EPHA5: variants seen among roughly 807,000 people sequenced by gnomAD.
EPHA5 encodes EPH receptor A5, also known as ephrin type-A receptor 5.
Under a neutral mutation model 105.0 loss-of-function variants are expected in EPHA5, and 60 were observed. The observed-to-expected ratio is 0.57, with a 90% confidence interval of 0.46 to 0.71. The LOEUF (loss-of-function observed/expected upper bound fraction) is 0.71. Among genes scored for constraint, EPHA5 ranks in the 30% least tolerant of loss-of-function variants. The pLI is 0.00. For missense variants in EPHA5, 1,218 were observed against 1,274.7 expected, an observed-to-expected ratio of 0.96 and a Z score of 0.68; for synonymous variants, 513 against 449.1, an observed-to-expected ratio of 1.14 and a Z score of -1.80.
chr4:65,394,128 A>C (rs1406031103), intron 8 of EPHA5, among the ~76,000 whole-genome samples: 1 of 152,246 alleles, frequency 6.6e-6, no homozygotes, highest in Non-Finnish European at 1.5e-5. Context: ...AATTTACTGG[A>C]TATACCTGTC....
At chr4:65,492,630 A>G (rs548189713) in intron 4 of EPHA5, among the ~76,000 whole-genome samples, 1 of 152,220 alleles carries the variant, frequency 6.6e-6, no homozygotes, top group East Asian at 1.9e-4. Flanking sequence ...ACTTCAATAT[A>G]AAACAGTCCC....
chr4:65,415,414 C>A (rs1218823680), intron 6 of EPHA5, among the ~76,000 whole-genome samples: 2 of 151,770 alleles, frequency 1.3e-5, no homozygotes, highest in African/African-American at 2.4e-5. Flanking sequence ...ATTTGTAATT[C>A]TTTCTTATAT....
At chr4:65,396,208 T>C (rs1721219589) in intron 8 of EPHA5, among the ~76,000 whole-genome samples, 1 of 152,240 alleles carries the variant, frequency 6.6e-6, no homozygotes, top group Non-Finnish European at 1.5e-5. Flanking sequence ...CTTGCTGGTG[T>C]GTGTGCATTC....
intron 3 of EPHA5, among the ~76,000 whole-genome samples, chr4:65,543,722 A>T (rs1451272327): frequency 6.6e-6 from 1 of 151,780 alleles, no homozygotes; most frequent in Non-Finnish European, 1.5e-5. Flanking sequence ...TCTAGAAAAA[A>T]ATCTTAAAAG....
intron 3 of EPHA5, among the ~76,000 whole-genome samples, chr4:65,520,072 C>T (rs1357544217): frequency 2.0e-5 from 3 of 152,112 alleles, no homozygotes; most frequent in African/African-American, 7.2e-5. Flanking sequence ...ATTGCCAAGA[C>T]AATCCTAAGC....
chr4:65,643,303 C>T (rs2149514453), intron 2 of EPHA5, 60 bp downstream of exon 2: 1 of 1,304,228 alleles, frequency 7.7e-7, no homozygotes, highest in Non-Finnish European at 1.1e-6. Context: ...TCCTGTGTTA[C>T]AAGTATCAAG....
At chr4:65,400,939 A>T (rs1721751951) in intron 8 of EPHA5, among the ~76,000 whole-genome samples, 1 of 152,036 alleles carries the variant, frequency 6.6e-6, no homozygotes, top group Non-Finnish European at 1.5e-5. Flanking sequence ...TACTTAAATG[A>T]TATGTTACCT....
intron 3 of EPHA5, among the ~76,000 whole-genome samples, chr4:65,551,169 A>C (rs1737864369): frequency 1.2e-5 from 1 of 80,036 alleles, no homozygotes; most frequent in African/African-American, 5.4e-5. Flanking sequence ...TTATCCAAAC[A>C]TAAGTAGGTT....
intron 15 of EPHA5, 69 bp from the exon 16 acceptor site, chr4:65,332,197 G>T: frequency 7.8e-7 from 1 of 1,280,206 alleles, no homozygotes; most frequent in East Asian, 2.7e-5. Flanking sequence ...TTACTATAAT[G>T]TTAACTCATA....
chr4:65,548,653 A>G (rs1465264153), intron 3 of EPHA5, among the ~76,000 whole-genome samples: 1 of 152,180 alleles, frequency 6.6e-6, no homozygotes, highest in African/African-American at 2.4e-5. Flanking sequence ...TTACAAGCAG[A>G]GGCACTGATT....
At chr4:65,486,469 A>G (rs1429945285) in intron 5 of EPHA5, among the ~76,000 whole-genome samples, 2 of 152,132 alleles carry the variant, frequency 1.3e-5, no homozygotes, top group Non-Finnish European at 2.9e-5. Flanking sequence ...CATTTCCTGT[A>G]CCCCTACAAA....
At chr4:65,533,364 A>G (rs1184981466) in intron 3 of EPHA5, among the ~76,000 whole-genome samples, 1 of 152,196 alleles carries the variant, frequency 6.6e-6, no homozygotes, top group Non-Finnish European at 1.5e-5. Context: ...TAAGCTAGGC[A>G]GGATAAATAT....
intron 5 of EPHA5, among the ~76,000 whole-genome samples, chr4:65,441,117 C>T (rs932486260): frequency 6.6e-6 from 1 of 151,972 alleles, no homozygotes; most frequent in African/African-American, 2.4e-5. Context: ...TGTCAATATA[C>T]TATATTAATT....
rs760384286 is a variant in EPHA5, at chr4:65,576,103, G to GAA, written c.910+25536_910+25537dup. Among the ~76,000 whole-genome samples, 93 of 75,428 alleles carry GAA rather than the reference G, an allele frequency of 1.2e-3. 1 individual carries two copies. The highest frequency in any genetic ancestry group is 3.8e-3 in the South Asian group (8 of 2,078). The allele number at this position is 75,428 out of a possible 152,430, so 49.5% of individuals were successfully genotyped here. On this transcript the variant is annotated intron_variant, in intron 3 of 16. Coordinates refer to ENST00000613740, the MANE Select transcript of EPHA5 (RefSeq NM_001281766.3). ...GAAAAGAAAAGAAAAGAAAAGAAAAGAAAAGAAAAGAAAAAAGAAAAGAAA... is the reference window on the plus strand; with the variant it reads ...GAAAAGAAAAGAAAAGAAAAGAAAAGAAAAAAGAAAAGAAAAAAGAAAAGAAA...
intron 5 of EPHA5, among the ~76,000 whole-genome samples, chr4:65,466,140 G>A (rs941987741): frequency 4.6e-5 from 7 of 152,262 alleles, no homozygotes; most frequent in African/African-American, 1.4e-4. Flanking sequence ...GTGTGCCCAC[G>A]TGTGTACACA....
intron 3 of EPHA5, among the ~76,000 whole-genome samples, chr4:65,576,068 GA>G (rs1185591638): frequency 2.4e-3 from 125 of 52,812 alleles, no homozygotes; most frequent in Middle Eastern, 9.3e-3. Flanking sequence ...GAAAAGAAAA[GA>G]AAAGAAAAGA....
intron 8 of EPHA5, among the ~76,000 whole-genome samples, chr4:65,400,582 GAAGATTCCAA>G (rs1721717333): frequency 6.6e-6 from 1 of 152,060 alleles, no homozygotes; most frequent in African/African-American, 2.4e-5. Flanking sequence ...GTCTAGGTAG[GAAGATTCCAA>G]AAGATTTCTG....
chr4:65,395,145 C>T (rs1490245997), intron 8 of EPHA5, among the ~76,000 whole-genome samples: 1 of 152,172 alleles, frequency 6.6e-6, no homozygotes, highest in Non-Finnish European at 1.5e-5. Flanking sequence ...AGGCATGTAG[C>T]AAGAACTCAG....
intron 2 of EPHA5, among the ~76,000 whole-genome samples, chr4:65,613,580 G>A (rs1458948039): frequency 1.3e-5 from 2 of 151,920 alleles, no homozygotes; most frequent in Non-Finnish European, 2.9e-5. Context: ...TCCCTGTAGA[G>A]ATTTTTTTAG....
Sources: gnomAD v4.1 joint callset for allele counts (sites outside exome capture counted in the v4.1 genomes callset) on GRCh38, gnomAD v4.1.1 for gene constraint, MANE v1.5 for transcripts, NCBI Gene and HGNC (gene_info 2026-07-23, HGNC 2026-07-21) for gene names.